ANKRD26: variants seen among roughly 807,000 people sequenced by gnomAD.
ANKRD26 encodes ankyrin repeat domain-containing protein 26.
A neutral mutation model predicts 208.7 loss-of-function variants in ANKRD26; 141 were observed. The observed-to-expected ratio is 0.68, with a 90% confidence interval of 0.59 to 0.78. The LOEUF (loss-of-function observed/expected upper bound fraction) is 0.78. Ranked by LOEUF, ANKRD26 falls within the 30% of genes least tolerant of loss-of-function variation. ANKRD26 has a pLI of 0.00. For missense variants in ANKRD26, 1,889 were observed against 1,938.7 expected (o/e 0.97, Z 0.48); for synonymous variants, 636 against 660.4 (o/e 0.96, Z 0.57).
At chr10:27,099,437 T>C (rs538612231) in intron 1 of ANKRD26, among the ~76,000 whole-genome samples, 2 of 152,268 alleles carry the variant, frequency 1.3e-5, no homozygotes, top group African/African-American at 4.8e-5. Context: ...GCATTTTATT[T>C]CTTTTTCTTT....
chr10:27,094,249 G>C (rs146770251), intron 1 of ANKRD26, among the ~76,000 whole-genome samples: 3 of 152,148 alleles, frequency 2.0e-5, no homozygotes, highest in Non-Finnish European at 4.4e-5. Flanking sequence ...ATATAATAAA[G>C]GGTATGTCTT....
At chr10:27,052,451 C>G (rs749647049) in intron 16 of ANKRD26, among the ~76,000 whole-genome samples, 1 of 152,010 alleles carries the variant, frequency 6.6e-6, no homozygotes, top group Non-Finnish European at 1.5e-5. Flanking sequence ...ATACTGAGCC[C>G]CTACAGTGCA....
chr10:27,064,145 T>C, intron 11 of ANKRD26, 64 bp from the exon 12 acceptor site: 1 of 1,145,484 alleles, frequency 8.7e-7, no homozygotes, highest in East Asian at 2.4e-5. Context: ...CTAAAGATTT[T>C]CTAATCACTT....
downstream of ANKRD26, among the ~76,000 whole-genome samples, chr10:26,972,247 A>G (rs192230241): frequency 1.7e-3 from 261 of 151,832 alleles, 3 homozygotes; most frequent in African/African-American, 6.0e-3. Flanking sequence ...AAAAAAAAAA[A>G]AAAAGAAAAT....
the ANKRD26 span, among the ~76,000 whole-genome samples, chr10:26,961,433 G>A: frequency 3.3e-5 from 5 of 152,162 alleles, no homozygotes; most frequent in South Asian, 2.1e-4. Flanking sequence ...AGATATAAGC[G>A]TGGGATCCTA....
At chr10:27,092,357 C>T in intron 4 of ANKRD26, 49 bp downstream of exon 4, 1 of 1,416,628 alleles carries the variant, frequency 7.1e-7, no homozygotes, top group Non-Finnish European at 9.9e-7. Flanking sequence ...TCTAAAAAAA[C>T]TTTTAAACAT....
chr10:27,057,801 T>C (rs2054891245), intron 15 of ANKRD26, among the ~76,000 whole-genome samples: 3 of 151,930 alleles, frequency 2.0e-5, no homozygotes, highest in African/African-American at 7.3e-5. Flanking sequence ...GCTGGCCTTG[T>C]TGGCGCGCGC....
chr10:27,062,093 C>A (rs568221064), intron 12 of ANKRD26: 2 of 985,280 alleles, frequency 2.0e-6, no homozygotes, highest in Admixed American at 1.2e-4. Context: ...TTCTCTTTCC[C>A]CACTCACGAT....
At chr10:26,955,486 T>G in the ANKRD26 span, among the ~76,000 whole-genome samples, 8 of 152,088 alleles carry the variant, frequency 5.3e-5, no homozygotes, top group Non-Finnish European at 1.2e-4. Context: ...TGTGTATATA[T>G]GTGTGTGTAT....
rs751129068 is a variant in ANKRD26, at chr10:27,017,805, A to C, written c.4216-13T>G. On this transcript the variant is annotated splice_polypyrimidine_tract_variant and intron_variant, in intron 29 of 33. Coordinates refer to ENST00000376087, the MANE Select transcript of ANKRD26 (RefSeq NM_014915.3). ...TAAGATCATCAATCTGAATGAAGAC[A>C]ATAATATAGTGTAATAATGAAGGAA... 6.2e-7 allele frequency: 1 copy of C among 1,608,914 alleles called. No individual in the cohort carries two copies. The highest frequency in any genetic ancestry group is 8.5e-7 in the Non-Finnish European group (1 of 1,178,704).
chr10:27,063,428 C>A (rs937567507), intron 12 of ANKRD26, among the ~76,000 whole-genome samples: 3 of 152,086 alleles, frequency 2.0e-5, no homozygotes, highest in Admixed American at 1.3e-4. Context: ...TCAAACAAAT[C>A]TCTTGCCTCA....
intron 4 of ANKRD26, among the ~76,000 whole-genome samples, chr10:27,091,147 G>A (rs1000625715): frequency 1.3e-5 from 2 of 152,136 alleles, no homozygotes; most frequent in African/African-American, 4.8e-5. Flanking sequence ...AGTAGTTTCA[G>A]CCAATGATGC....
downstream of ANKRD26, among the ~76,000 whole-genome samples, chr10:26,971,675 CAAA>C (rs1170237211): frequency 5.6e-5 from 5 of 89,432 alleles, no homozygotes; most frequent in Admixed American, 1.2e-4. Flanking sequence ...GACCATGTCT[CAAA>C]AAAAAAAAAA....
chr10:27,013,552 T>C (rs2134910222), intron 31 of ANKRD26, among the ~76,000 whole-genome samples: 1 of 152,166 alleles, frequency 6.6e-6, no homozygotes, highest in East Asian at 1.9e-4. Flanking sequence ...ATCAAAAACA[T>C]CATGTTTTGA....
intron 9 of ANKRD26, among the ~76,000 whole-genome samples, chr10:27,071,207 C>T (rs536644365): frequency 1.4e-5 from 2 of 141,650 alleles, no homozygotes; most frequent in African/African-American, 5.4e-5. Flanking sequence ...GCTTTGTCGC[C>T]CAGGCTGGAG....
At chr10:27,028,766 G>C in intron 27 of ANKRD26, 86 bp downstream of exon 27, 1 of 1,108,136 alleles carries the variant, frequency 9.0e-7, no homozygotes, top group Non-Finnish European at 1.4e-6. Context: ...CTGGTCTCAA[G>C]CATTTTAAAT....
At chr10:27,053,181 C>T (rs1464181614) in intron 16 of ANKRD26, 139 bp downstream of exon 16, 9 of 609,630 alleles carry the variant, frequency 1.5e-5, no homozygotes, top group East Asian at 2.9e-5. Flanking sequence ...CTAGTCAAAA[C>T]GTTTTTAATA....
intron 32 of ANKRD26, 99 bp from the exon 33 acceptor site, chr10:27,007,061 TAA>T (rs2052913945): frequency 3.8e-6 from 3 of 789,306 alleles, no homozygotes; most frequent in Admixed American, 1.9e-5. Flanking sequence ...GTAATACTCT[TAA>T]AGACTACACT....
At chr10:26,952,970 C>G in the ANKRD26 span, among the ~76,000 whole-genome samples, 1 of 152,194 alleles carries the variant, frequency 6.6e-6, no homozygotes, top group South Asian at 2.1e-4. Context: ...CTATGTGTAA[C>G]TGAAAGTGAC....
Sources: allele counts gnomAD v4.1 joint callset (sites outside exome capture counted in the v4.1 genomes callset), GRCh38; gene constraint gnomAD v4.1.1; transcripts MANE v1.5; gene names NCBI Gene and HGNC (gene_info 2026-07-23, HGNC 2026-07-21).